Variants in CDC14B observed in about 807,000 individuals in gnomAD.
The protein encoded by CDC14B is dual specificity protein phosphatase CDC14B.
CDC14B carries 22 observed loss-of-function variants against 64.2 expected under a neutral mutation model. The observed-to-expected ratio is 0.34, with a 90% CI of 0.24 to 0.49. The LOEUF is 0.49. Among genes scored for constraint, CDC14B ranks in the 20% least tolerant of loss-of-function variants. CDC14B has a pLI of 0.99. For synonymous variants in CDC14B, 191 were observed against 215.8 expected (o/e 0.89, Z 1.01); for missense variants, 498 against 629.9 (o/e 0.79, Z 2.24).
At chr9:96,539,511 C>T (rs1839748726) in intron 6 of CDC14B, among the ~76,000 whole-genome samples, 1 of 152,090 alleles carries the variant, frequency 6.6e-6, no homozygotes, top group Admixed American at 6.5e-5. Flanking sequence ...GTTTAGGATT[C>T]AAATATAATG....
At chr9:96,556,264 G>C (rs1204086277) in intron 4 of CDC14B, among the ~76,000 whole-genome samples, 1 of 152,010 alleles carries the variant, frequency 6.6e-6, no homozygotes, top group Non-Finnish European at 1.5e-5. Flanking sequence ...AATGTTTCCA[G>C]CACTTAAAGA....
chr9:96,510,656 A>G (rs1834790761), intron 12 of CDC14B, among the ~76,000 whole-genome samples: 1 of 147,514 alleles, frequency 6.8e-6, no homozygotes, highest in Non-Finnish European at 1.5e-5. Context: ...CCCAGGCTGG[A>G]GTGCAGTGGC....
At chr9:96,504,463 T>C (rs1833862967) in intron 13 of CDC14B, among the ~76,000 whole-genome samples, 1 of 152,218 alleles carries the variant, frequency 6.6e-6, no homozygotes, top group African/African-American at 2.4e-5. Context: ...CGCCCGATGC[T>C]GCTGCTGCTG....
intron 5 of CDC14B, among the ~76,000 whole-genome samples, chr9:96,549,859 C>T (rs924367889): frequency 1.3e-5 from 2 of 152,136 alleles, no homozygotes; most frequent in Non-Finnish European, 1.5e-5. Context: ...TGAAACATAG[C>T]AAGGCAGTAA....
At chr9:96,494,916 G>A (rs1371571887) in intron 13 of CDC14B, among the ~76,000 whole-genome samples, 1 of 150,398 alleles carries the variant, frequency 6.6e-6, no homozygotes, top group Non-Finnish European at 1.5e-5. Flanking sequence ...CTCACTGCAA[G>A]CTCTGTCTCC....
intron 12 of CDC14B, chr9:96,514,743 G>A: frequency 1.0e-6 from 1 of 985,468 alleles, no homozygotes; most frequent in Non-Finnish European, 1.2e-6. Flanking sequence ...ACGCAGCTCA[G>A]ACACAGAAGG....
At chr9:96,619,067 G>A in intron 1 of CDC14B, 152 bp downstream of exon 1, 1 of 493,008 alleles carries the variant, frequency 2.0e-6, no homozygotes, top group Non-Finnish European at 3.1e-6. Flanking sequence ...GGCTCCTAAA[G>A]GGGGTGTGGC....
downstream of CDC14B, among the ~76,000 whole-genome samples, chr9:96,495,249 A>G (rs182080419): frequency 6.6e-6 from 1 of 152,184 alleles, no homozygotes; most frequent in African/African-American, 2.4e-5. Context: ...CAACTTGTAC[A>G]TAAACCCACA....
intron 4 of CDC14B, among the ~76,000 whole-genome samples, chr9:96,553,883 C>A (rs919447374): frequency 6.6e-6 from 1 of 151,834 alleles, no homozygotes; most frequent in Non-Finnish European, 1.5e-5. Context: ...AACCTAAAAC[C>A]GGAAGGGTGC....
chr9:96,533,551 T>C (rs1462211251), intron 9 of CDC14B, among the ~76,000 whole-genome samples: 1 of 152,218 alleles, frequency 6.6e-6, no homozygotes, highest in Non-Finnish European at 1.5e-5. Context: ...GTATAGTCAT[T>C]CATTTATTCA....
chr9:96,502,829 A>G lies in CDC14B; in HGVS notation c.*924T>C. The G allele has an allele frequency of 2.5e-6, 1 of 398,198 alleles. No individual in the cohort carries two copies. Among genetic ancestry groups the G allele is most frequent in the Non-Finnish European group, 4.4e-6 (1 of 225,910 alleles). The allele number at this position is 398,198 out of a possible 1,614,324, so 24.7% of individuals were successfully genotyped here. ...AGGGAAAAAAAAAATCCAATGTTAC[A>G]GGGAAGGACTCTAAAAAAGTGGTAA... On this transcript the variant is annotated 3_prime_UTR_variant, in exon 14 of 14. Transcript: ENST00000375241.
intron 1 of CDC14B, among the ~76,000 whole-genome samples, chr9:96,583,976 C>G (rs1845324221): frequency 6.6e-6 from 1 of 152,082 alleles, no homozygotes; most frequent in Admixed American, 6.6e-5. Flanking sequence ...CCTCGGCCTC[C>G]CAAAGTGTTG....
chr9:96,619,015 C>T (rs1019986194), intron 1 of CDC14B, among the ~76,000 whole-genome samples: 1 of 151,768 alleles, frequency 6.6e-6, no homozygotes, highest in South Asian at 2.1e-4. Context: ...TCGCAGCCCA[C>T]GCAGCTAGAA....
chr9:96,584,152 A>T (rs1258855737), intron 1 of CDC14B, among the ~76,000 whole-genome samples: 3 of 152,212 alleles, frequency 2.0e-5, no homozygotes, highest in African/African-American at 7.2e-5. Flanking sequence ...GACAGGACGA[A>T]TCATCTGTTT....
At chr9:96,572,499 T>C (rs1038393432) in intron 1 of CDC14B, among the ~76,000 whole-genome samples, 3 of 151,966 alleles carry the variant, frequency 2.0e-5, no homozygotes, top group Non-Finnish European at 4.4e-5. Flanking sequence ...AATTGCTGTG[T>C]TGATGTGACA....
rs1007071664 is a variant in CDC14B at position 96,564,857 on chromosome 9, A to C, written c.252-5T>G. 5.1e-6 allele frequency: 8 copies of C among 1,576,856 alleles called. No individual in the cohort carries two copies. In the African/African-American group the frequency reaches 1.1e-4, roughly 21 times the overall value. On this transcript the variant is annotated splice_polypyrimidine_tract_variant and splice_region_variant and intron_variant, in intron 2 of 13. Coordinates refer to ENST00000375241, the MANE Select transcript of CDC14B (RefSeq NM_033331.4). ...GGTCCAAAATCTGCGTAGAAGCTTT[A>C]AAAATGAAAAATAAAAATGTGATGT...
chr9:96,551,607 A>T (rs1841856411), intron 5 of CDC14B, among the ~76,000 whole-genome samples, 189 bp downstream of exon 5: 1 of 152,206 alleles, frequency 6.6e-6, no homozygotes, highest in Admixed American at 6.5e-5. Context: ...TAAACATGCT[A>T]CGACGCACAA....
At chr9:96,494,366 A>T (rs1384877091) in intron 13 of CDC14B, among the ~76,000 whole-genome samples, 1 of 152,236 alleles carries the variant, frequency 6.6e-6, no homozygotes, top group Non-Finnish European at 1.5e-5. Context: ...CCATGTGGCG[A>T]TGGCCATGGT....
In CDC14B at chr9:96,515,667, G is replaced by A. The variant is rs763596121; in HGVS notation, c.1344-5878C>T. Reference sequence around the variant, plus strand: ...CACTTACAGCAGCTATCTGTCAGGGGGTCCTGATGGCTACTGTGTTCTGAA... The same window carrying A: ...CACTTACAGCAGCTATCTGTCAGGGAGTCCTGATGGCTACTGTGTTCTGAA... On this transcript the variant is annotated intron_variant, in intron 12 of 13. Transcript: ENST00000375241. The surrounding 1 kb of genome is among the most constrained non-coding windows in gnomAD (Gnocchi z 4.3). 3 of 1,583,316 alleles carry A rather than the reference G, an allele frequency of 1.9e-6. No homozygotes were observed. The highest frequency in any genetic ancestry group is 2.3e-5 in the East Asian group (1 of 43,658).
Sources: gnomAD v4.1 joint callset for allele counts (sites outside exome capture counted in the v4.1 genomes callset) on GRCh38, gnomAD v4.1.1 for gene constraint, Gnocchi (gnomAD v3.1) non-coding constraint, MANE v1.5 for transcripts, NCBI Gene and HGNC (gene_info 2026-07-23, HGNC 2026-07-21) for gene names.